CRADD: variants seen among roughly 807,000 people sequenced by gnomAD.
CRADD encodes the protein death domain-containing protein CRADD.
A neutral mutation model predicts 15.5 loss-of-function variants in CRADD; 9 were observed. The observed-to-expected ratio is 0.58, with a 90% CI of 0.35 to 1.01. CRADD has a LOEUF of 1.01. Ranked by LOEUF, CRADD falls within the 50% of genes least tolerant of loss-of-function variation. The probability of loss-of-function intolerance (pLI) is 0.02; values close to 1 mark genes in which losing one functional copy is unlikely to be tolerated. For synonymous variants in CRADD, 118 were observed against 107.6 expected (o/e 1.10, Z -0.60); for missense variants, 227 against 250.3 (o/e 0.91, Z 0.63).
chr12:93,741,271 T>G (rs1408830267), intron 2 of CRADD, among the ~76,000 whole-genome samples: 1 of 152,234 alleles, frequency 6.6e-6, no homozygotes, highest in Non-Finnish European at 1.5e-5. Flanking sequence ...TAATTTTATT[T>G]GTGTTTAGAG....
At chr12:93,845,574 A>ATTT (rs1159588348) in intron 2 of CRADD, among the ~76,000 whole-genome samples, 1 of 64,334 alleles carries the variant, frequency 1.6e-5, no homozygotes, top group African/African-American at 6.7e-5. Flanking sequence ...ATATATATAT[A>ATTT]TATATTTTTA....
chr12:93,718,962 G>A (rs1956212300), intron 2 of CRADD, among the ~76,000 whole-genome samples: 1 of 152,050 alleles, frequency 6.6e-6, no homozygotes, highest in African/African-American at 2.4e-5. Context: ...GTTTTGTCAT[G>A]TTGCCCAGGC....
chr12:93,803,460 A>T (rs1221613273), intron 2 of CRADD, among the ~76,000 whole-genome samples: 2 of 152,156 alleles, frequency 1.3e-5, no homozygotes, highest in Admixed American at 6.5e-5. Context: ...AAGAAAAAAA[A>T]TATCTACTGT....
intron 2 of CRADD, among the ~76,000 whole-genome samples, chr12:93,785,643 T>G (rs1276451705): frequency 6.6e-6 from 1 of 152,124 alleles, no homozygotes; most frequent in African/African-American, 2.4e-5. Flanking sequence ...AGATGTGAAG[T>G]CTTAGCAGTT....
intron 2 of CRADD, among the ~76,000 whole-genome samples, chr12:93,693,778 A>G (rs1044557257): frequency 6.6e-6 from 1 of 152,086 alleles, no homozygotes; most frequent in Non-Finnish European, 1.5e-5. Context: ...ATTCCATCCA[A>G]TGGTATCAAG....
chr12:93,798,977 G>A (rs1017048346), intron 2 of CRADD, among the ~76,000 whole-genome samples: 5 of 152,062 alleles, frequency 3.3e-5, no homozygotes, highest in African/African-American at 1.2e-4. Flanking sequence ...CACCTGTGTG[G>A]AAGAGGGAGG....
At chr12:93,677,761 A>G (rs1324270342) in intron 1 of CRADD, 2 of 152,276 alleles carry the variant, frequency 1.3e-5, no homozygotes, top group African/African-American at 4.8e-5. Flanking sequence ...ATAGTTCCCA[A>G]TGGGCGCTCA....
chr12:93,688,273 T>G (rs1460559110), intron 2 of CRADD, among the ~76,000 whole-genome samples: 1 of 152,046 alleles, frequency 6.6e-6, no homozygotes, highest in Non-Finnish European at 1.5e-5. Context: ...GAGACCAAGG[T>G]GGGAGGATCA....
intron 2 of CRADD, among the ~76,000 whole-genome samples, chr12:93,812,322 T>C (rs1193361019): frequency 6.6e-6 from 1 of 152,202 alleles, no homozygotes; most frequent in African/African-American, 2.4e-5. Flanking sequence ...CTATGGACTT[T>C]AGTTAGTAAG....
intron 2 of CRADD, among the ~76,000 whole-genome samples, chr12:93,735,207 TTATGGTTTGTTCCATCTCA>T (rs1441057320): frequency 6.6e-6 from 1 of 152,202 alleles, no homozygotes; most frequent in East Asian, 1.9e-4. Context: ...GTTCAAATGC[TTATGGTTTGTTCCATCTCA>T]CTTCCCTCTA....
intron 2 of CRADD, among the ~76,000 whole-genome samples, chr12:93,787,552 G>A (rs4144502): frequency 0.57 from 85,872 of 151,664 alleles, 25,213 homozygotes; most frequent in East Asian, 0.89. Context: ...TTGAAATGTT[G>A]TTTTTTCAAG....
intron 2 of CRADD, among the ~76,000 whole-genome samples, chr12:93,839,359 G>A (rs1298927887): frequency 3.3e-5 from 5 of 152,200 alleles, no homozygotes; most frequent in African/African-American, 7.2e-5. Flanking sequence ...TCTCCCAAAA[G>A]AGGGTTTCTG....
At chr12:93,689,955 C>T (rs922402178) in intron 2 of CRADD, among the ~76,000 whole-genome samples, 4 of 152,202 alleles carry the variant, frequency 2.6e-5, no homozygotes, top group Admixed American at 2.0e-4. Context: ...ATATCCAAGT[C>T]TAACAGCATG....
rs559826381 is a variant in CRADD at position 93,729,468 on chromosome 12, T to C, written c.298+50396T>C. Among the ~76,000 whole-genome samples, 5 of 152,254 alleles carry C rather than the reference T, an allele frequency of 3.3e-5. No homozygotes were observed. The South Asian group carries it at 8.3e-4, about 25-fold the overall frequency. On this transcript the variant is annotated intron_variant, in intron 2 of 2. Transcript: ENST00000332896. ...GAGATCTTTGTAAGCATGATACCAA[T>C]AGCAGAAACTAAATAAATTTTAAAA...
chr12:93,768,984 T>C lies in CRADD; in HGVS notation c.299-80986T>C, dbSNP rs1477494005. 6.6e-5 allele frequency among the ~76,000 whole-genome samples: 10 copies of C among 152,378 alleles called. No homozygotes were observed. The South Asian group carries it at 2.1e-3, about 32-fold the overall frequency. On this transcript the variant is annotated intron_variant, in intron 2 of 2. Coordinates refer to ENST00000332896, the MANE Select transcript of CRADD (RefSeq NM_003805.5). The stretch of plus-strand genomic sequence containing the variant: ...GTGAGATTCATCCATGTTTTTCACA[T>C]GTATTATTTGTTTATTCATTCTCAT...
At chr12:93,877,288 A>G (rs1211406427) in intron 2 of CRADD, among the ~76,000 whole-genome samples, 1 of 152,182 alleles carries the variant, frequency 6.6e-6, no homozygotes, top group Non-Finnish European at 1.5e-5. Flanking sequence ...GGATTTCACC[A>G]AAGGCCTGAT....
chr12:93,822,748 A>G (rs183492944), intron 2 of CRADD, among the ~76,000 whole-genome samples: 1 of 152,326 alleles, frequency 6.6e-6, no homozygotes, highest in African/African-American at 2.4e-5. Flanking sequence ...TCCTTTATCC[A>G]TGTAAAAGTA....
chr12:93,818,936 T>A, intron 2 of CRADD, among the ~76,000 whole-genome samples: 1 of 152,262 alleles, frequency 6.6e-6, no homozygotes, highest in East Asian at 1.9e-4. Flanking sequence ...CCAGCTTCAA[T>A]GCTGTGATCT....
At chr12:93,697,310 C>T (rs540696956) in intron 2 of CRADD, among the ~76,000 whole-genome samples, 1 of 152,322 alleles carries the variant, frequency 6.6e-6, no homozygotes, top group South Asian at 2.1e-4. Context: ...CGCTTAGGCT[C>T]TTGTTGCCCT....
Sources: allele counts gnomAD v4.1 joint callset (sites outside exome capture counted in the v4.1 genomes callset), GRCh38; gene constraint gnomAD v4.1.1; transcripts MANE v1.5; gene names NCBI Gene and HGNC (gene_info 2026-07-23, HGNC 2026-07-21).